The following KIAA1210 variants were observed in gnomAD, a reference collection of about 807,000 sequenced individuals.
The protein encoded by KIAA1210 is acrosomal protein KIAA1210.
KIAA1210 carries 48 observed loss-of-function variants against 78.9 expected under a neutral mutation model. The ratio of observed to expected loss-of-function variants is 0.61; its 90% CI spans 0.48 to 0.77. KIAA1210 has a LOEUF of 0.77. Ranked by LOEUF, KIAA1210 falls within the 30% of genes least tolerant of loss-of-function variation. The pLI, the probability that KIAA1210 is intolerant of heterozygous loss-of-function variation, is 0.00. For missense variants in KIAA1210, 1,108 were observed against 1,100.0 expected (o/e 1.01, Z -0.10); for synonymous variants, 406 against 404.5 (o/e 1.00, Z -0.04).
intron 1 of KIAA1210, among the ~76,000 whole-genome samples, chrX:119,126,502 T>C (rs1345181633): frequency 1.8e-5 from 2 of 112,168 alleles, no homozygotes; most frequent in Non-Finnish European, 3.8e-5. Context: ...TGAGTTAATA[T>C]TACAATTCTG....
chrX:119,149,223 C>G (rs1343614103), intron 1 of KIAA1210, among the ~76,000 whole-genome samples: 1 of 111,112 alleles, frequency 9.0e-6, no homozygotes, highest in Non-Finnish European at 1.9e-5. Flanking sequence ...CATTTACATT[C>G]TCTCCTACTG....
upstream of KIAA1210, among the ~76,000 whole-genome samples, chrX:119,132,182 C>T (rs144423296): frequency 4.4e-3 from 489 of 112,309 alleles, 3 homozygotes; most frequent in Non-Finnish European, 3.8e-3. Flanking sequence ...TCAGCCCTGA[C>T]GGCGATTGAG....
chrX:119,079,731 T>G lies in KIAA1210; in HGVS notation c.*1598A>C, dbSNP rs759152203. ...CTTTCTCACTCTCCCTTTTTGGTCT[T>G]CCCTCTTCTCCGTGGCTGGGGGATG... On this transcript the variant is annotated 3_prime_UTR_variant, in exon 12 of 12. Coordinates refer to ENST00000691062, the MANE Select transcript of KIAA1210 (RefSeq NM_001394962.1). 2.7e-5 allele frequency: 3 copies of G among 111,805 alleles called. No individual in the cohort carries two copies. The East Asian group carries it at 8.4e-4, about 31-fold the overall frequency. The allele number at this position is 111,805 out of a possible 1,213,427, so 9.2% of individuals were successfully genotyped here.
At chrX:119,127,598 T>C (rs1928684091) in intron 1 of KIAA1210, among the ~76,000 whole-genome samples, 129 bp downstream of exon 1, 1 of 111,460 alleles carries the variant, frequency 9.0e-6, no homozygotes, top group Non-Finnish European at 1.9e-5. Context: ...AACTGTCTCC[T>C]CTCCTAAACA....
intron 6 of KIAA1210, among the ~76,000 whole-genome samples, chrX:119,099,101 C>T (rs1042884439): frequency 2.7e-5 from 3 of 112,580 alleles, no homozygotes; most frequent in African/African-American, 9.7e-5. Context: ...TAAAAGAACA[C>T]CGTACAACTT....
Position 119,088,033 on chromosome X carries a change from G to A in KIAA1210, c.2669C>T (p.Ser890Leu), listed in dbSNP as rs769073388. Reference sequence around the variant, plus strand: ...GCTCCATTCTGCAGAAGTACTCATTGAGTCCAGGAACTTAGGCCTCTCCGA... The same window carrying A: ...GCTCCATTCTGCAGAAGTACTCATTAAGTCCAGGAACTTAGGCCTCTCCGA... ...QPSERPKFLDSMSTSAEWSSP... is the reference protein window; with the variant it reads ...QPSERPKFLDLMSTSAEWSSP... Residue 890 changes from serine to leucine, a missense_variant, in exon 9 of 12, where the codon TCA becomes TTA. Physicochemically the swap from Ser to Leu is moderately radical, Grantham distance 145. This residue lies in a region of KIAA1210 where 179 missense variants were observed against 174.1 expected (regional missense o/e 1.03). Transcript: ENST00000691062. The A allele has an allele frequency of 8.3e-7, 1 of 1,211,443 alleles. No individual in the cohort carries two copies. The highest frequency in any genetic ancestry group is 2.2e-5 in the Admixed American group (1 of 46,011).
chrX:119,087,386 G>A lies in KIAA1210; in HGVS notation c.3316C>T (p.Pro1106Ser). ...QKVFSYSERA[P>S]GKCSSFKEQL... ...TCTTTAAAACTGCTGCACTTCCCAG[G>A]AGCTCTCTCTGAATAAGAGAAAACT... The change falls in exon 9 of 12, where the codon CCT becomes TCT. Residue 1106 changes from proline to serine, a missense_variant. Pro to Ser is a moderately conservative substitution (Grantham distance 74, BLOSUM62 -1). Transcript: ENST00000691062. 8.3e-7 allele frequency: 1 copy of A among 1,211,520 alleles called. No homozygotes were observed. The highest frequency in any genetic ancestry group is 1.1e-6 in the Non-Finnish European group (1 of 895,312).
chrX:119,109,198 T>C lies in KIAA1210; in HGVS notation c.235A>G (p.Lys79Glu), dbSNP rs753415178. The change falls in exon 4 of 12, where the codon AAG becomes GAG. Residue 79 changes from lysine (K) to glutamate (E), a missense_variant. Coordinates refer to ENST00000691062, the MANE Select transcript of KIAA1210 (RefSeq NM_001394962.1). ...AGGGCTTTGCTCCCCATGCTGCTCT[T>C]GGCCCTGGACAGAAAGGAAAGGTCT... ...RENQPTKARA[K>E]SSMGSKALSH... is the part of the protein sequence containing the mutation. 1 of 1,199,016 alleles carries C rather than the reference T, an allele frequency of 8.3e-7. No homozygotes were observed. Among genetic ancestry groups the C allele is most frequent in the Non-Finnish European group, 1.1e-6 (1 of 888,514 alleles).
intron 5 of KIAA1210, among the ~76,000 whole-genome samples, chrX:119,107,185 C>T (rs1927919652): frequency 8.8e-6 from 1 of 113,138 alleles, no homozygotes; most frequent in Non-Finnish European, 1.9e-5. Context: ...CCAAGCCAAA[C>T]ATTTAAGAAA....
intron 1 of KIAA1210, among the ~76,000 whole-genome samples, chrX:119,124,084 C>T (rs1928549999): frequency 1.8e-5 from 2 of 111,868 alleles, no homozygotes; most frequent in African/African-American, 6.5e-5. Flanking sequence ...GCAGCCTCAA[C>T]CTCCCAGGCT....
At chrX:119,134,047 T>A (rs1372376221) in intron 2 of KIAA1210, among the ~76,000 whole-genome samples, 1 of 111,329 alleles carries the variant, frequency 9.0e-6, no homozygotes, top group Non-Finnish European at 1.9e-5. Context: ...GTCATTCTAC[T>A]CTGCTATGGA....
chrX:119,141,559 G>T (rs1052584529), intron 2 of KIAA1210, among the ~76,000 whole-genome samples: 6 of 112,294 alleles, frequency 5.3e-5, no homozygotes, highest in African/African-American at 1.6e-4. Flanking sequence ...AAGAAATATG[G>T]TTCAAAATGT....
intron 3 of KIAA1210, among the ~76,000 whole-genome samples, chrX:119,112,775 A>C (rs1928122358): frequency 8.9e-6 from 1 of 112,036 alleles, no homozygotes; most frequent in African/African-American, 3.2e-5. Context: ...ACTTTGGAAA[A>C]CAGTCTAGCA....
At chrX:119,123,552 TG>T in intron 2 of KIAA1210, 29 bp downstream of exon 2, 1 of 1,088,253 alleles carries the variant, frequency 9.2e-7, no homozygotes. Context: ...AATCTAATTC[TG>T]GTTATCAAAG....
At chrX:119,104,896 C>G (rs1927840747) in intron 6 of KIAA1210, 96 bp downstream of exon 6, 2 of 839,530 alleles carry the variant, frequency 2.4e-6, no homozygotes, top group African/African-American at 4.2e-5. Context: ...AATCATCCCC[C>G]TAGTGTTGAG....
At chrX:119,112,375 A>C (rs1286716181) in intron 3 of KIAA1210, among the ~76,000 whole-genome samples, 2 of 111,647 alleles carry the variant, frequency 1.8e-5, no homozygotes, top group African/African-American at 6.5e-5. Context: ...TAAGTCTTGG[A>C]TCTGAAACAT....
chrX:119,122,719 G>C (rs749159574), intron 2 of KIAA1210, among the ~76,000 whole-genome samples: 22 of 109,592 alleles, frequency 2.0e-4, no homozygotes, highest in South Asian at 3.9e-4. Flanking sequence ...TTTTCTCTCT[G>C]TCTCTCTCTC....
intron 11 of KIAA1210, among the ~76,000 whole-genome samples, chrX:119,082,678 G>A (rs779557515): frequency 2.7e-5 from 3 of 111,839 alleles, no homozygotes; most frequent in Non-Finnish European, 3.8e-5. Context: ...AGAAAATACC[G>A]CTTTGCTATG....
rs1928537524 is a variant in KIAA1210, at chrX:119,123,793, A to G, written c.-10-141T>C. ...AAAATATACAAATGGAATTGCCATT[A>G]CAGAGAATTATCCTTCCTTTAAAAA... On this transcript the variant is annotated intron_variant, in intron 1 of 11. Coordinates refer to ENST00000691062, the MANE Select transcript of KIAA1210 (RefSeq NM_001394962.1). 1.4e-5 allele frequency: 6 copies of G among 437,086 alleles called. No homozygotes were observed. The South Asian group carries it at 2.4e-4, about 18-fold the overall frequency. 36.0% of individuals were successfully genotyped at this position (437,086 alleles called of 1,213,427 possible). A position where few individuals can be genotyped will look rare whatever the true frequency, so the allele number is the denominator to read the frequency against.
Sources: gnomAD v4.1 joint callset for allele counts (sites outside exome capture counted in the v4.1 genomes callset) on GRCh38, gnomAD v4.1.1 for gene constraint, gnomAD v4.1.1 regional missense constraint, MANE v1.5 for transcripts, NCBI Gene and HGNC (gene_info 2026-07-23, HGNC 2026-07-21) for gene names.